CEP250: variants seen among roughly 807,000 people sequenced by gnomAD.
The protein encoded by CEP250 is centrosome-associated protein CEP250.
In CEP250, 242 loss-of-function variants were observed where a neutral mutation model predicts 315.7. The observed-to-expected ratio is 0.77, with a 90% confidence interval of 0.69 to 0.85. CEP250 has a LOEUF of 0.85. Among genes scored for constraint, CEP250 ranks in the 40% least tolerant of loss-of-function variants. The pLI is 0.00. For synonymous variants in CEP250, 1,088 were observed against 1,175.0 expected (o/e 0.93, Z 1.51); for missense variants, 2,515 against 2,886.4 (o/e 0.87, Z 2.95).
intron 20 of CEP250, among the ~76,000 whole-genome samples, chr20:35,485,859 G>A (rs1276225831): frequency 2.5e-4 from 35 of 140,980 alleles, no homozygotes; most frequent in Admixed American, 1.0e-3. Flanking sequence ...ATGGGGTTTC[G>A]TCATGTTACC....
Position 35,479,302 on chromosome 20 carries a change from A to G in CEP250, c.2166A>G (p.Glu722=). 1 of 1,613,756 alleles carries G rather than the reference A, an allele frequency of 6.2e-7. No homozygotes were observed. Among genetic ancestry groups the G allele is most frequent in the Non-Finnish European group, 8.5e-7 (1 of 1,179,798 alleles). Residue 722 remains glutamate (E), a synonymous_variant, in exon 18 of 35, where the codon GAA becomes GAG. Coordinates refer to ENST00000397527, the MANE Select transcript of CEP250 (RefSeq NM_007186.6). ...ATCAGGAGGCAAAGCGACAGGAAGA[A>G]GTGCTTGCCAGGGCAGTCCAGGAGA... The part of the protein sequence containing the change: ...QLHQEAKRQE[E]VLARAVQEKE...
At chr20:35,497,644 G>C in intron 25 of CEP250, 75 bp from the exon 26 acceptor site, 1 of 1,005,752 alleles carries the variant, frequency 9.9e-7, no homozygotes, top group Non-Finnish European at 1.5e-6. Context: ...AGGATTGAGT[G>C]GGGTCTGGCC....
In CEP250 at chr20:35,517,988, G is replaced by A. The variant is rs1601339753; in HGVS notation, c.*6362G>A. 6.8e-6 allele frequency: 1 copy of A among 146,906 alleles called. No individual in the cohort carries two copies. The highest frequency in any genetic ancestry group is 2.5e-5 in the African/African-American group (1 of 39,396). The allele number at this position is 146,906 out of a possible 1,614,324, so 9.1% of individuals were successfully genotyped here. ...AGCCCAGGGAGGTCAAGGTTGCAGT[G>A]AACCATGATCATGTCACTGCACTCA... On this transcript the variant is annotated 3_prime_UTR_variant, in exon 35 of 35. Coordinates refer to ENST00000397527, the MANE Select transcript of CEP250 (RefSeq NM_007186.6).
intron 23 of CEP250, among the ~76,000 whole-genome samples, chr20:35,494,024 C>G (rs1408728504): frequency 1.3e-5 from 2 of 152,050 alleles, no homozygotes; most frequent in African/African-American, 2.4e-5. Context: ...ACTATGTCGC[C>G]CGGGCTGAAG....
Position 35,475,658 on chromosome 20 carries a change from C to T in CEP250, c.1716+12C>T, listed in dbSNP as rs746695375. Reference sequence around the variant, plus strand: ...CAGCGCTGGCTAGGGTGCGTGGCCTCCTCTCCTCACTTGCTGGGTGGGCGG... The same window carrying T: ...CAGCGCTGGCTAGGGTGCGTGGCCTTCTCTCCTCACTTGCTGGGTGGGCGG... On this transcript the variant is annotated intron_variant, in intron 15 of 34. Transcript: ENST00000397527. 59 of 1,612,166 alleles carry T rather than the reference C, an allele frequency of 3.7e-5. No individual in the cohort carries two copies. Among genetic ancestry groups the T allele is most frequent in the Non-Finnish European group, 4.7e-5 (55 of 1,179,560 alleles).
intron 33 of CEP250, 75 bp downstream of exon 33, chr20:35,509,119 A>G (rs6142402): frequency 1.1e-5 from 13 of 1,233,662 alleles, no homozygotes; most frequent in Non-Finnish European, 1.4e-5. Flanking sequence ...TCCTCATTGC[A>G]TATCCCGGGC....
chr20:35,507,395 G>A (rs975597962), intron 30 of CEP250, among the ~76,000 whole-genome samples: 4 of 152,056 alleles, frequency 2.6e-5, no homozygotes, highest in Admixed American at 1.3e-4. Context: ...CACTGGGTAC[G>A]CCACAGGGCA....
rs41290918 is a variant in CEP250 at position 35,469,974 on chromosome 20, A to G, written c.936A>G (p.Thr312=). Residue 312 remains threonine (T), a synonymous_variant, in exon 10 of 35, where the codon ACA becomes ACG. Transcript: ENST00000397527. ...YEKMIKALRE[T]VEILETNHTE... Reference sequence around the variant, plus strand: ...AGATGATAAAGGCTCTGAGAGAGACAGTGGAGATCCTGGTACATGATCCTT... The same window carrying G: ...AGATGATAAAGGCTCTGAGAGAGACGGTGGAGATCCTGGTACATGATCCTT... 7,749 of 1,612,068 alleles carry G rather than the reference A, an allele frequency of 4.8e-3. 30 individuals carry two copies. The highest frequency in any genetic ancestry group is 6.1e-3 in the Non-Finnish European group (7,141 of 1,178,100).
chr20:35,509,165 G>A (rs912482005), intron 33 of CEP250, 121 bp downstream of exon 33: 2 of 760,332 alleles, frequency 2.6e-6, no homozygotes, highest in African/African-American at 3.5e-5. Context: ...AGCCCCTCCT[G>A]ACTGCATTCT....
In CEP250 at chr20:35,518,479, C is replaced by T. The variant is rs2064453470; in HGVS notation, c.*6853C>T. ...TGGTTACCCTGAACTACTGTTTCTA[C>T]CAAAAAGGCAGGATAAATGCTCCCT... On this transcript the variant is annotated 3_prime_UTR_variant, in exon 35 of 35. Coordinates refer to ENST00000397527, the MANE Select transcript of CEP250 (RefSeq NM_007186.6). The T allele has an allele frequency of 1.3e-5, 2 of 152,084 alleles. No homozygotes were observed. Among genetic ancestry groups the T allele is most frequent in the South Asian group, 4.1e-4 (2 of 4,824 alleles). The allele number at this position is 152,084 out of a possible 1,614,324, so 9.4% of individuals were successfully genotyped here.
At position 35,504,517 on chromosome 20, in the gene CEP250, G is replaced by A. The variant is rs199582556; in HGVS notation, c.6148G>A (p.Glu2050Lys). Residue 2050 changes from glutamate (E) to lysine (K), a missense_variant, in exon 30 of 35, where the codon GAG becomes AAG. Coordinates refer to ENST00000397527, the MANE Select transcript of CEP250 (RefSeq NM_007186.6). ...GCAGGCACTTGCCCAGAGGGATGAA[G>A]AGCTGAGACATCAGCAGGAACGGGA... ...LQQALAQRDE[E>K]LRHQQEREQL... 6 of 1,614,030 alleles carry A rather than the reference G, an allele frequency of 3.7e-6. No individual in the cohort carries two copies. In the East Asian group the frequency reaches 1.1e-4, roughly 30 times the overall value.
At chr20:35,510,821 C>T (rs550697899) in intron 34 of CEP250, among the ~76,000 whole-genome samples, 1 of 152,240 alleles carries the variant, frequency 6.6e-6, no homozygotes, top group East Asian at 1.9e-4. Context: ...ATGACGAAAC[C>T]CTGTCTGTAC....
At chr20:35,510,157 G>T in intron 34 of CEP250, 103 bp downstream of exon 34, 1 of 1,094,030 alleles carries the variant, frequency 9.1e-7, no homozygotes, top group Non-Finnish European at 1.4e-6. Context: ...GAGAACTTCA[G>T]TCTCCATGGG....
intron 9 of CEP250, among the ~76,000 whole-genome samples, chr20:35,469,613 G>A (rs1476879727): frequency 1.3e-5 from 2 of 152,190 alleles, no homozygotes; most frequent in Non-Finnish European, 2.9e-5. Flanking sequence ...CCTGGGCCAG[G>A]GCTTTCCTTC....
In CEP250 at chr20:35,484,422, G is replaced by A. The variant is rs1015988152; in HGVS notation, c.2586+4277G>A. 1.1e-4 allele frequency among the ~76,000 whole-genome samples: 17 copies of A among 152,196 alleles called. No individual in the cohort carries two copies. In the East Asian group the frequency reaches 2.9e-3, roughly 26 times the overall value. On this transcript the variant is annotated intron_variant, in intron 20 of 34. Transcript: ENST00000397527. ...AGCTTGTGGTTATGAATTTTCAGAGGAGACTTTTTTCCTACCCTGTATCAA... is the reference window on the plus strand; with the variant it reads ...AGCTTGTGGTTATGAATTTTCAGAGAAGACTTTTTTCCTACCCTGTATCAA...
At chr20:35,498,160 T>C (rs934319468) in intron 26 of CEP250, 93 bp downstream of exon 26, 11 of 941,872 alleles carry the variant, frequency 1.2e-5, no homozygotes, top group Non-Finnish European at 1.7e-5. Flanking sequence ...TTAGACCATA[T>C]TGCTTCAGGG....
rs1008760889 is a variant in CEP250 at position 35,515,024 on chromosome 20, C to A, written c.*3398C>A. ...CTTCCCACCCTCACCCTTCTGCCCC[C>A]ACCTGAGCACAGTGTGGTGCTCAGT... On this transcript the variant is annotated 3_prime_UTR_variant, in exon 35 of 35. Coordinates refer to ENST00000397527, the MANE Select transcript of CEP250 (RefSeq NM_007186.6). 3.3e-5 allele frequency: 5 copies of A among 152,290 alleles called. No individual in the cohort carries two copies. Among genetic ancestry groups the A allele is most frequent in the Non-Finnish European group, 7.3e-5 (5 of 68,100 alleles). 9.4% of individuals were successfully genotyped at this position (152,290 alleles called of 1,614,324 possible).
At position 35,502,564 on chromosome 20, in the gene CEP250, C is replaced by T. The variant is rs375495683; in HGVS notation, c.4195C>T (p.Arg1399Cys). Residue 1399 changes from arginine (R) to cysteine (C), a missense_variant, in exon 30 of 35, where the codon CGT (arginine) becomes TGT (cysteine). By Grantham distance (180) the Arg-to-Cys change is radical (BLOSUM62 -3). Transcript: ENST00000397527. ...KLKNEEVESERERAQALQEQG... is the reference protein window; with the variant it reads ...KLKNEEVESECERAQALQEQG... ...GAAAAATGAGGAAGTAGAGAGTGAG[C>T]GTGAGAGAGCCCAGGCTCTGCAAGA... 17 of 1,614,034 alleles carry T rather than the reference C, an allele frequency of 1.1e-5. No homozygotes were observed. Among genetic ancestry groups the T allele is most frequent in the Admixed American group, 1.7e-5 (1 of 60,000 alleles).
chr20:35,472,241 C>G (rs2063041959), intron 11 of CEP250, 90 bp downstream of exon 11: 2 of 805,136 alleles, frequency 2.5e-6, no homozygotes, highest in Non-Finnish European at 4.3e-6. Context: ...GATTTCCAGT[C>G]TCTGAGGTTC....
Sources: gnomAD v4.1 joint callset for allele counts (sites outside exome capture counted in the v4.1 genomes callset) on GRCh38, gnomAD v4.1.1 for gene constraint, MANE v1.5 for transcripts, NCBI Gene and HGNC (gene_info 2026-07-23, HGNC 2026-07-21) for gene names.